Variants in KLRG1 observed in about 807,000 individuals in gnomAD.
KLRG1 encodes killer cell lectin-like receptor subfamily G member 1.
A neutral mutation model predicts 21.8 loss-of-function variants in KLRG1; 16 were observed. The observed-to-expected ratio is 0.73, with a 90% CI of 0.50 to 1.11. KLRG1 has a LOEUF of 1.11. Among genes scored for constraint, KLRG1 ranks in the 50% most tolerant of loss-of-function variants. The pLI is 0.00. For missense variants in KLRG1, 173 were observed against 218.3 expected, an observed-to-expected ratio of 0.79 and a Z score of 1.31; for synonymous variants, 69 against 75.9, an observed-to-expected ratio of 0.91 and a Z score of 0.47.
At chr12:9,166,301 CA>C in the KLRG1 span, 49 of 1,140,076 alleles carry the variant, frequency 4.3e-5, no homozygotes, top group Non-Finnish European at 5.8e-5. Flanking sequence ...TTTTCCTGCT[CA>C]GACTGTCCTA....
the KLRG1 span, among the ~76,000 whole-genome samples, chr12:9,125,188 CAGT>C: frequency 1.3e-5 from 2 of 152,250 alleles, no homozygotes; most frequent in African/African-American, 4.8e-5. Flanking sequence ...CTGCTGAGAG[CAGT>C]AGATGTTGGG....
chr12:9,143,665 G>A, the KLRG1 span, among the ~76,000 whole-genome samples: 15 of 152,096 alleles, frequency 9.9e-5, no homozygotes, highest in Non-Finnish European at 2.1e-4. Context: ...CAAGGTCCCT[G>A]AGAATTTGAA....
At chr12:8,966,371 C>G (rs999627624) in intron 1 of KLRG1, among the ~76,000 whole-genome samples, 6 of 151,910 alleles carry the variant, frequency 3.9e-5, no homozygotes, top group Admixed American at 3.3e-4. Context: ...TTCTGCACAG[C>G]AAAAGAAACT....
At chr12:9,174,575 C>T in the KLRG1 span, among the ~76,000 whole-genome samples, 90,162 of 151,870 alleles carry the variant, frequency 0.59, 27,693 homozygotes, top group East Asian at 0.83. Flanking sequence ...TTATCTCAGT[C>T]CAAAAGATTC....
chr12:8,984,829 G>A (rs1025986273), upstream of KLRG1, among the ~76,000 whole-genome samples: 1 of 151,888 alleles, frequency 6.6e-6, no homozygotes, highest in Non-Finnish European at 1.5e-5. Context: ...ATATTTTATT[G>A]TATGCTAGAT....
chr12:9,116,065 C>A, the KLRG1 span: 1 of 554,000 alleles, frequency 1.8e-6, no homozygotes, highest in South Asian at 1.8e-5. Flanking sequence ...AGGTTAATTC[C>A]TGGCGGGCTA....
chr12:9,084,083 C>T, the KLRG1 span, among the ~76,000 whole-genome samples: 1 of 152,116 alleles, frequency 6.6e-6, no homozygotes, highest in Non-Finnish European at 1.5e-5. Flanking sequence ...AAGAATTCTT[C>T]ATCCAGCAAA....
the KLRG1 span, among the ~76,000 whole-genome samples, chr12:9,092,719 T>C: frequency 3.9e-5 from 6 of 152,142 alleles, no homozygotes; most frequent in African/African-American, 1.4e-4. Context: ...CTCAAAAATT[T>C]TAAAATGGAA....
the KLRG1 span, among the ~76,000 whole-genome samples, chr12:9,034,342 C>T: frequency 6.6e-6 from 1 of 152,172 alleles, no homozygotes; most frequent in Non-Finnish European, 1.5e-5. Flanking sequence ...ACCTACTTCA[C>T]TGCCAGTCAT....
chr12:8,980,644 T>C (rs148425349), intron 1 of KLRG1, among the ~76,000 whole-genome samples: 3 of 152,178 alleles, frequency 2.0e-5, no homozygotes, highest in Admixed American at 6.5e-5. Flanking sequence ...GTCTGATAGG[T>C]GAGTGCACAC....
chr12:9,009,288 T>A, intron 4 of KLRG1, 138 bp from the exon 5 acceptor site: 3 of 1,193,298 alleles, frequency 2.5e-6, no homozygotes, highest in Admixed American at 5.6e-5. Flanking sequence ...GATGAACAAT[T>A]TTAATTCTTC....
At chr12:8,961,957 G>C (rs1486088742) in intron 1 of KLRG1, among the ~76,000 whole-genome samples, 3 of 152,108 alleles carry the variant, frequency 2.0e-5, no homozygotes, top group East Asian at 1.9e-4. Context: ...ATGGTGGTAC[G>C]CACCTGTAGT....
At chr12:9,043,649 G>A in the KLRG1 span, among the ~76,000 whole-genome samples, 1 of 152,170 alleles carries the variant, frequency 6.6e-6, no homozygotes, top group African/African-American at 2.4e-5. Flanking sequence ...CCAACCACAT[G>A]CTCTTTTGTA....
intron 3 of KLRG1, among the ~76,000 whole-genome samples, chr12:9,004,967 C>T (rs1197803160): frequency 6.0e-5 from 9 of 151,042 alleles, no homozygotes; most frequent in East Asian, 1.9e-4. Flanking sequence ...GGTATTTATC[C>T]GAAGGAAATA....
At chr12:9,157,603 A>G in the KLRG1 span, among the ~76,000 whole-genome samples, 4 of 152,368 alleles carry the variant, frequency 2.6e-5, no homozygotes, top group South Asian at 8.3e-4. Context: ...ATTACTGGGC[A>G]AGTGTAAATC....
intron 2 of KLRG1, among the ~76,000 whole-genome samples, chr12:8,994,472 G>A (rs1947071160): frequency 1.3e-5 from 2 of 152,156 alleles, no homozygotes; most frequent in South Asian, 4.1e-4. Flanking sequence ...TTTCACTTTA[G>A]CACCTGTTAT....
At chr12:9,146,110 TTTTC>T in the KLRG1 span, among the ~76,000 whole-genome samples, 1 of 152,138 alleles carries the variant, frequency 6.6e-6, no homozygotes, top group African/African-American at 2.4e-5. Context: ...TGAATAAGTT[TTTTC>T]TTTCTTTCTC....
At chr12:9,125,127 G>A in the KLRG1 span, among the ~76,000 whole-genome samples, 6 of 152,136 alleles carry the variant, frequency 3.9e-5, no homozygotes, top group African/African-American at 1.2e-4. Context: ...CAGAGACTTC[G>A]GGACTACAGT....
At chr12:9,088,253 C>CT in the KLRG1 span, among the ~76,000 whole-genome samples, 1 of 127,458 alleles carries the variant, frequency 7.8e-6, no homozygotes, top group Non-Finnish European at 1.7e-5. Context: ...ATGTGATGTT[C>CT]TGTTTTTTTT....
Sources: allele counts gnomAD v4.1 joint callset (sites outside exome capture counted in the v4.1 genomes callset), GRCh38; gene constraint gnomAD v4.1.1; transcripts MANE v1.5; gene names NCBI Gene and HGNC (gene_info 2026-07-23, HGNC 2026-07-21).